Variants in TP73 observed in about 807,000 individuals in gnomAD.
TP73 encodes the protein tumor protein p73, also known as p53-like transcription factor.
A neutral mutation model predicts 62.5 loss-of-function variants in TP73; 25 were observed. The observed-to-expected ratio is 0.40, with a 90% CI of 0.29 to 0.56. TP73 has a LOEUF of 0.56. TP73 is among the 20% of genes least tolerant of loss of function. TP73 has a pLI of 0.46. For missense variants in TP73, 754 were observed against 913.3 expected, an observed-to-expected ratio of 0.83 and a Z score of 2.25; for synonymous variants, 423 against 377.5, an observed-to-expected ratio of 1.12 and a Z score of -1.40.
At chr1:3,684,235 G>A (rs3765712) in intron 3 of TP73, among the ~76,000 whole-genome samples, 29,145 of 152,250 alleles carry the variant, frequency 0.19, 4,129 homozygotes, top group African/African-American at 0.39. Context: ...CCCCGCCTCC[G>A]CCGCCCAGGG....
intron 1 of TP73, among the ~76,000 whole-genome samples, chr1:3,661,003 T>A (rs1644976266): frequency 6.6e-6 from 1 of 152,242 alleles, no homozygotes; most frequent in Non-Finnish European, 1.5e-5. Flanking sequence ...TGAATATATA[T>A]CCATGCAAAT....
intron 3 of TP73, among the ~76,000 whole-genome samples, chr1:3,692,991 T>C (rs1019475968): frequency 1.3e-5 from 2 of 152,216 alleles, no homozygotes; most frequent in Admixed American, 6.5e-5. Context: ...CAAGGATTAC[T>C]GTGGTTCGTT....
chr1:3,724,061 T>C (rs1641315273), intron 6 of TP73, among the ~76,000 whole-genome samples: 1 of 148,942 alleles, frequency 6.7e-6, no homozygotes, highest in Non-Finnish European at 1.5e-5. Context: ...GGGGGGCATA[T>C]AGGCTGGAGG....
rs369424533 is a variant in TP73 at position 3,697,442 on chromosome 1, G to A, written c.187-10107G>A. ...CACCCCCAGGCCCACCCAATACCTG[G>A]GGCAGATCTTTCCCTTCCTGCAGGC... On this transcript the variant is annotated intron_variant, in intron 3 of 13. Transcript: ENST00000378295. 2.8e-4 allele frequency among the ~76,000 whole-genome samples: 42 copies of A among 152,302 alleles called. 1 individual carries two copies. Among genetic ancestry groups the A allele is most frequent in the Middle Eastern group, 6.8e-3 (2 of 294 alleles).
chr1:3,688,250 T>TGCACA (rs1645715906), intron 3 of TP73, among the ~76,000 whole-genome samples: 1 of 152,160 alleles, frequency 6.6e-6, no homozygotes. Context: ...ACTTTGGGGC[T>TGCACA]GCACAGAAGT....
chr1:3,733,345 A>G lies in TP73; in HGVS notation c.*266A>G. The stretch of plus-strand genomic sequence containing the variant: ...GTGGGGCGGGGGCTGGCCCACTCTC[A>G]GCCCTGCCACTGCCCCGGCGTGCTC... On this transcript the variant is annotated 3_prime_UTR_variant, in exon 14 of 14. Coordinates refer to ENST00000378295, the MANE Select transcript of TP73 (RefSeq NM_005427.4). 1.9e-6 allele frequency: 1 copy of G among 536,682 alleles called. No individual in the cohort carries two copies. Among genetic ancestry groups the G allele is most frequent in the Non-Finnish European group, 3.3e-6 (1 of 301,842 alleles). The allele number at this position is 536,682 out of a possible 1,614,324, so 33.2% of individuals were successfully genotyped here.
chr1:3,729,000 G>GAGAGAGAGAGAGAC (rs1553147334), intron 9 of TP73, among the ~76,000 whole-genome samples: 3 of 152,050 alleles, frequency 2.0e-5, no homozygotes, highest in Non-Finnish European at 2.9e-5. Flanking sequence ...GAAAGAGAGA[G>GAGAGAGAGAGAGAC]AGAGAGACAG....
chr1:3,653,284 GAGAAAGCCCGTGA>G (rs1379359054), intron 1 of TP73, among the ~76,000 whole-genome samples: 2 of 152,246 alleles, frequency 1.3e-5, no homozygotes, highest in African/African-American at 4.8e-5. Flanking sequence ...GTCCCAGGTA[GAGAAAGCCCGTGA>G]AGAAATGGCC....
chr1:3,676,920 G>C (rs1040664149), intron 1 of TP73, among the ~76,000 whole-genome samples: 4 of 151,316 alleles, frequency 2.6e-5, no homozygotes, highest in African/African-American at 9.7e-5. Flanking sequence ...TCCCTGTCTT[G>C]CACACTAGAT....
chr1:3,705,445 G>A (rs974653430), intron 3 of TP73, among the ~76,000 whole-genome samples: 6 of 152,358 alleles, frequency 3.9e-5, no homozygotes, highest in African/African-American at 1.4e-4. Flanking sequence ...GGGGGTCCCC[G>A]TTCCACTGGT....
Position 3,734,422 on chromosome 1 carries a change from AG to A in TP73, c.*1345del, listed in dbSNP as rs1642349173. On this transcript the variant is annotated 3_prime_UTR_variant, in exon 14 of 14. Transcript: ENST00000378295. This position sits in a 1 kb window ranked among gnomAD's most constrained non-coding sequence, Gnocchi z 4.4. ...CCTGGGGGGCCTCACGGGTGTGACG[AG>A]GCCCTTCATTGCAGGCAGGTGGGCC... The A allele has an allele frequency of 6.6e-6, 1 of 152,114 alleles. No homozygotes were observed. The highest frequency in any genetic ancestry group is 1.5e-5 in the Non-Finnish European group (1 of 68,016). 9.4% of individuals were successfully genotyped at this position (152,114 alleles called of 1,614,324 possible).
At chr1:3,714,964 G>C (rs1389736935) in intron 4 of TP73, among the ~76,000 whole-genome samples, 1 of 152,240 alleles carries the variant, frequency 6.6e-6, no homozygotes, top group Non-Finnish European at 1.5e-5. Context: ...GATAGTAGCA[G>C]CCACAGGGCA....
chr1:3,660,402 A>C (rs561308509), intron 1 of TP73, among the ~76,000 whole-genome samples: 1 of 152,344 alleles, frequency 6.6e-6, no homozygotes, highest in South Asian at 2.1e-4. Flanking sequence ...GATTTTATGC[A>C]CATCACTCTC....
At chr1:3,712,234 C>T (rs572617598) in intron 4 of TP73, 2 of 152,210 alleles carry the variant, frequency 1.3e-5, no homozygotes, top group African/African-American at 2.4e-5. Context: ...GGAGATGAAA[C>T]GTGGATTATT....
At chr1:3,722,670 C>T (rs950135891) in intron 5 of TP73, among the ~76,000 whole-genome samples, 3 of 150,086 alleles carry the variant, frequency 2.0e-5, no homozygotes, top group Non-Finnish European at 4.4e-5. Context: ...CACAGCTGGG[C>T]GCCTCTCTGC....
intron 3 of TP73, among the ~76,000 whole-genome samples, chr1:3,700,598 A>T (rs1639078431): frequency 1.3e-5 from 2 of 152,154 alleles, no homozygotes; most frequent in Admixed American, 1.3e-4. Context: ...GGAGTTCGAG[A>T]CCAGCCTGGC....
intron 1 of TP73, among the ~76,000 whole-genome samples, chr1:3,680,015 GTC>G (rs761935426): frequency 1.4e-5 from 2 of 147,644 alleles, no homozygotes; most frequent in Middle Eastern, 3.7e-3. Flanking sequence ...CTTTGTCCTT[GTC>G]TCTCTCTCTC....
chr1:3,722,275 G>T (rs558358641), intron 5 of TP73, 68 bp downstream of exon 5: 3 of 1,561,912 alleles, frequency 1.9e-6, no homozygotes, highest in African/African-American at 1.4e-5. Context: ...ACAGCCGGGG[G>T]CTGCCTAACT....
intron 1 of TP73, among the ~76,000 whole-genome samples, chr1:3,655,744 C>T (rs1644851202): frequency 1.3e-5 from 2 of 152,210 alleles, no homozygotes; most frequent in African/African-American, 4.8e-5. Flanking sequence ...ACAAAACACA[C>T]TTGTAGCTGG....
Sources: gnomAD v4.1 joint callset for allele counts (sites outside exome capture counted in the v4.1 genomes callset) on GRCh38, gnomAD v4.1.1 for gene constraint, Gnocchi (gnomAD v3.1) non-coding constraint, MANE v1.5 for transcripts, NCBI Gene and HGNC (gene_info 2026-07-23, HGNC 2026-07-21) for gene names.